SLC38A8: variants seen among roughly 807,000 people sequenced by gnomAD.
The protein encoded by SLC38A8 is amino acid transporter SLC38A8.
SLC38A8 carries 65 observed loss-of-function variants against 46.0 expected under a neutral mutation model. That is an observed-to-expected ratio of 1.41 (90% CI 1.16 to 1.74). SLC38A8 has a LOEUF of 1.74. SLC38A8 is among the 40% of genes most tolerant of loss of function. SLC38A8 has a pLI of 0.00. For synonymous variants in SLC38A8, 447 were observed against 243.7 expected (o/e 1.83, Z -7.77); for missense variants, 998 against 567.9 (o/e 1.76, Z -7.70).
chr16:84,035,679 A>C (rs2085292570), intron 3 of SLC38A8, among the ~76,000 whole-genome samples: 3 of 152,260 alleles, frequency 2.0e-5, no homozygotes, highest in Admixed American at 2.0e-4. Flanking sequence ...TACAAACACT[A>C]GTCTTAAGGA....
chr16:84,027,071 G>A (rs906140588), intron 6 of SLC38A8, among the ~76,000 whole-genome samples: 1 of 152,186 alleles, frequency 6.6e-6, no homozygotes, highest in Non-Finnish European at 1.5e-5. Flanking sequence ...ACAAAAACCA[G>A]CCAGGCACAG....
In SLC38A8 at chr16:84,009,755, G is replaced by C; in HGVS notation, c.*29C>G. ...GCCACGTAGGGTCAGCCCCCGGAGG[G>C]CCCCTTCCTGCCCGGCACTAGCTGC... is the stretch of plus-strand genomic sequence containing the variant. On this transcript the variant is annotated 3_prime_UTR_variant, in exon 11 of 11. Transcript: ENST00000299709. 6.2e-7 allele frequency: 1 copy of C among 1,601,510 alleles called. No homozygotes were observed. Among genetic ancestry groups the C allele is most frequent in the Non-Finnish European group, 8.5e-7 (1 of 1,172,806 alleles).
chr16:84,017,086 A>G (rs1464111631), intron 8 of SLC38A8, 54 bp downstream of exon 8: 1 of 1,604,084 alleles, frequency 6.2e-7, no homozygotes, highest in African/African-American at 1.3e-5. Flanking sequence ...GCTCAATCAC[A>G]GCACACATCA....
At chr16:84,020,120 A>T (rs1439899436) in intron 7 of SLC38A8, among the ~76,000 whole-genome samples, 1 of 148,078 alleles carries the variant, frequency 6.8e-6, no homozygotes, top group Non-Finnish European at 1.5e-5. Flanking sequence ...TTGGACCCCT[A>T]CGCTTTCCAC....
chr16:84,037,635 C>T (rs189282154), intron 2 of SLC38A8, among the ~76,000 whole-genome samples: 83 of 152,076 alleles, frequency 5.5e-4, no homozygotes, highest in African/African-American at 2.0e-3. Flanking sequence ...GTGGCAGATG[C>T]CTGTAGTCCC....
At chr16:84,017,015 C>G (rs1424940799) in intron 8 of SLC38A8, 125 bp downstream of exon 8, 2 of 1,341,892 alleles carry the variant, frequency 1.5e-6, no homozygotes, top group Admixed American at 5.1e-5. Flanking sequence ...TGCCTGTTTC[C>G]TCCTGTCTAC....
rs770843695 is a variant in SLC38A8, at chr16:84,013,191, G to A, written c.1163-139C>T. On this transcript the variant is annotated intron_variant, in intron 9 of 10. Transcript: ENST00000299709. The stretch of plus-strand genomic sequence containing the variant: ...GTGCCCCTGGCTCAGGCCCCCTGGA[G>A]AGGCAACACAGTGGAGCTGGAAGGA... The A allele has an allele frequency of 1.3e-4, 110 of 838,590 alleles. 1 individual carries two copies. The highest frequency in any genetic ancestry group is 2.0e-4 in the Non-Finnish European group (107 of 530,330). The allele number at this position is 838,590 out of a possible 1,614,324, so 51.9% of individuals were successfully genotyped here.
chr16:84,017,693 G>A (rs768763352), intron 7 of SLC38A8, among the ~76,000 whole-genome samples: 19 of 152,202 alleles, frequency 1.2e-4, no homozygotes, highest in Non-Finnish European at 2.4e-4. Flanking sequence ...AAGAGCCAGG[G>A]CATCAACCAA....
At chr16:84,025,036 T>C (rs12930439) in intron 6 of SLC38A8, among the ~76,000 whole-genome samples, 99,624 of 151,984 alleles carry the variant, frequency 0.66, 32,782 homozygotes, top group East Asian at 0.68. Context: ...CCATGAGTCA[T>C]GTGAATTCAT....
chr16:84,021,891 G>A (rs139643614), intron 7 of SLC38A8, among the ~76,000 whole-genome samples: 311 of 152,344 alleles, frequency 2.0e-3, no homozygotes, highest in East Asian at 1.9e-3. Context: ...CTGAAGTGGC[G>A]CGCAGAGTGT....
At position 84,023,804 on chromosome 16, in the gene SLC38A8, G is replaced by C. The variant is rs527695186; in HGVS notation, c.691-915C>G. 3.3e-5 allele frequency among the ~76,000 whole-genome samples: 5 copies of C among 152,324 alleles called. No homozygotes were observed. The South Asian group carries it at 6.2e-4, about 19-fold the overall frequency. On this transcript the variant is annotated intron_variant, in intron 6 of 10. Coordinates refer to ENST00000299709, the MANE Select transcript of SLC38A8 (RefSeq NM_001080442.3). ...AGCTACTCAGGAAGCTGAGGCAGGT[G>C]AATCACTGGAATTCGGGAGGCGGAG...
At position 84,042,017 on chromosome 16, in the gene SLC38A8, C is replaced by T; in HGVS notation, c.141G>A (p.Trp47Ter). 6.2e-7 allele frequency: 1 copy of T among 1,613,164 alleles called. No individual in the cohort carries two copies. The highest frequency in any genetic ancestry group is 1.1e-5 in the South Asian group (1 of 90,982). Residue 47 changes from tryptophan (W) to a stop codon, truncating the protein, a stop_gained, in exon 2 of 11, where the codon TGG becomes TGA. Transcript: ENST00000299709. LOFTEE classifies it high-confidence loss of function. ...ALGAGLLNFPWAFSKAGGVVP... is the reference protein window; with the variant it reads ...ALGAGLLNFP ...CCACTCCGCCCGCTTTGGAGAAGGC[C>T]CAGGGGAAGTTGAGCAGGCCAGCTC... is the stretch of plus-strand genomic sequence containing the variant.
At chr16:84,027,834 C>T (rs1434681258) in intron 6 of SLC38A8, among the ~76,000 whole-genome samples, 2 of 152,284 alleles carry the variant, frequency 1.3e-5, no homozygotes, top group Middle Eastern at 3.4e-3. Context: ...GCGGCCCCGG[C>T]GTAGGTCTGC....
chr16:84,026,630 AGAC>A lies in SLC38A8; in HGVS notation c.690+2861_690+2863del, dbSNP rs1397780429. On this transcript the variant is annotated intron_variant, in intron 6 of 10. Transcript: ENST00000299709. ...TGCTCGGTGATGGAAGGAGACAGGA[AGAC>A]GACACAGTGGCCAAAAAGTGGACCC... is the stretch of plus-strand genomic sequence containing the variant. Among the ~76,000 whole-genome samples the A allele has an allele frequency of 2.0e-5, 3 of 152,238 alleles. No individual in the cohort carries two copies. The East Asian group carries it at 5.8e-4, about 29-fold the overall frequency.
At chr16:84,037,529 G>C (rs2085314505) in intron 2 of SLC38A8, among the ~76,000 whole-genome samples, 1 of 152,172 alleles carries the variant, frequency 6.6e-6, no homozygotes, top group Non-Finnish European at 1.5e-5. Context: ...TGGAGACCGA[G>C]GTAGGCGGAT....
At chr16:84,023,968 T>A (rs1447111808) in intron 6 of SLC38A8, among the ~76,000 whole-genome samples, 1 of 152,180 alleles carries the variant, frequency 6.6e-6, no homozygotes, top group Non-Finnish European at 1.5e-5. Flanking sequence ...GATAAACACT[T>A]CTACACCAGG....
intron 7 of SLC38A8, 40 bp from the exon 8 acceptor site, chr16:84,017,327 G>A (rs760763984): frequency 1.2e-6 from 2 of 1,608,782 alleles, no homozygotes; most frequent in South Asian, 1.1e-5. Context: ...AGTGGATTAG[G>A]AAAATGCTGC....
chr16:84,042,065 G>A lies in SLC38A8; in HGVS notation c.93C>T (p.Phe31=). 2.5e-6 allele frequency: 4 copies of A among 1,614,072 alleles called. No homozygotes were observed. Among genetic ancestry groups the A allele is most frequent in the South Asian group, 1.1e-5 (1 of 91,082 alleles). Reference sequence around the variant, plus strand: ...CTCCCAGCGCGGACTTCATGAGGATGAAGACAGCGCCCATCGAGGACAGAG... The same window carrying A: ...CTCCCAGCGCGGACTTCATGAGGATAAAGACAGCGCCCATCGAGGACAGAG... ...AATLSSMGAV[F]ILMKSALGAG... Residue 31 remains phenylalanine, a synonymous_variant, in exon 2 of 11, where the codon TTC becomes TTT. Transcript: ENST00000299709.
intron 6 of SLC38A8, 75 bp downstream of exon 6, chr16:84,029,419 G>C (rs1242596096): frequency 3.3e-6 from 5 of 1,524,586 alleles, no homozygotes; most frequent in Non-Finnish European, 4.5e-6. Context: ...GAGAAACCAA[G>C]GTTTCCCAAG....
Sources: allele counts gnomAD v4.1 joint callset (sites outside exome capture counted in the v4.1 genomes callset), GRCh38; gene constraint gnomAD v4.1.1; transcripts MANE v1.5; gene names NCBI Gene and HGNC (gene_info 2026-07-23, HGNC 2026-07-21).